Variants in YAP1 observed in about 807,000 individuals in gnomAD.
The protein encoded by YAP1 is Yes1 associated transcriptional regulator, also known as transcriptional coactivator YAP1.
In YAP1, 5 loss-of-function variants were observed where a neutral mutation model predicts 56.9. The observed-to-expected ratio is 0.09, with a 90% CI of 0.05 to 0.18. The LOEUF is 0.18. YAP1 is among the 10% of genes least tolerant of loss of function. The pLI, the probability that YAP1 is intolerant of heterozygous loss-of-function variation, is 1.00. For missense variants in YAP1, 539 were observed against 651.8 expected (o/e 0.83, Z 1.88); for synonymous variants, 265 against 248.1 (o/e 1.07, Z -0.64).
chr11:102,187,139 CTG>C (rs1437172291), intron 4 of YAP1, among the ~76,000 whole-genome samples: 3 of 152,246 alleles, frequency 2.0e-5, no homozygotes, highest in Non-Finnish European at 2.9e-5. Flanking sequence ...AAAGAAAAAA[CTG>C]TATCTGGAGC....
chr11:102,174,078 G>A (rs1947081792), intron 3 of YAP1, among the ~76,000 whole-genome samples: 1 of 152,162 alleles, frequency 6.6e-6, no homozygotes, highest in South Asian at 2.1e-4. Flanking sequence ...CAATTTTCTG[G>A]TGATGCTGAT....
chr11:102,162,286 A>C (rs1202588702), intron 2 of YAP1, among the ~76,000 whole-genome samples, 170 bp from the exon 3 acceptor site: 1 of 152,206 alleles, frequency 6.6e-6, no homozygotes, highest in East Asian at 1.9e-4. Flanking sequence ...TGAGTGATTT[A>C]AGGGTGAAAA....
At chr11:102,154,918 T>C (rs1355724575) in intron 2 of YAP1, among the ~76,000 whole-genome samples, 1 of 152,200 alleles carries the variant, frequency 6.6e-6, no homozygotes, top group Admixed American at 6.5e-5. Flanking sequence ...CTGAACAGTG[T>C]TGACATCAGA....
intron 3 of YAP1, among the ~76,000 whole-genome samples, chr11:102,184,939 C>T (rs780468102): frequency 6.6e-6 from 1 of 152,150 alleles, no homozygotes; most frequent in Non-Finnish European, 1.5e-5. Context: ...CCTCAGTTTC[C>T]TCATTAGAAT....
At chr11:102,190,646 A>G (rs1424335830) in intron 4 of YAP1, among the ~76,000 whole-genome samples, 1 of 151,298 alleles carries the variant, frequency 6.6e-6, no homozygotes, top group African/African-American at 2.4e-5. Flanking sequence ...AAAAATAAAA[A>G]TTAGTAACAG....
chr11:102,133,046 T>TA (rs1411500353), intron 2 of YAP1, among the ~76,000 whole-genome samples: 6 of 152,014 alleles, frequency 3.9e-5, no homozygotes, highest in Non-Finnish European at 7.4e-5. Flanking sequence ...TAATCCCAGC[T>TA]ACTCTGGAGG....
intron 6 of YAP1, among the ~76,000 whole-genome samples, chr11:102,220,327 A>G (rs1036781069): frequency 1.2e-4 from 18 of 152,188 alleles, no homozygotes; most frequent in African/African-American, 1.7e-4. Context: ...AACAAAACAA[A>G]AAAACCAATA....
At chr11:102,185,157 G>A (rs1334463738) in intron 3 of YAP1, among the ~76,000 whole-genome samples, 1 of 152,184 alleles carries the variant, frequency 6.6e-6, no homozygotes, top group African/African-American at 2.4e-5. Context: ...AACTGGGGGA[G>A]TTGGGAGGGA....
intron 3 of YAP1, among the ~76,000 whole-genome samples, chr11:102,168,131 A>G (rs1946710022): frequency 6.6e-6 from 1 of 152,130 alleles, no homozygotes; most frequent in African/African-American, 2.4e-5. Flanking sequence ...CCCCATATTG[A>G]GAGTTAGGTA....
At chr11:102,223,253 C>CAAAA (rs1013718662) in intron 6 of YAP1, among the ~76,000 whole-genome samples, 5 of 52,414 alleles carry the variant, frequency 9.5e-5, no homozygotes, top group African/African-American at 2.0e-4. Context: ...TCTTGAAGAA[C>CAAAA]AAAAAAAAAA....
chr11:102,186,816 G>A (rs1189178881), intron 4 of YAP1: 4 of 80,902 alleles, frequency 4.9e-5, no homozygotes, highest in Admixed American at 2.0e-4. Context: ...TTTAAAAAAT[G>A]TGTGTGTGTG....
chr11:102,149,561 A>G (rs191448391), intron 2 of YAP1, among the ~76,000 whole-genome samples: 2 of 152,296 alleles, frequency 1.3e-5, no homozygotes, highest in East Asian at 3.9e-4. Context: ...TGATACAGGG[A>G]GTATAGTTTA....
In YAP1 at chr11:102,232,017, A is replaced by T. The variant is rs578144462; in HGVS notation, c.*2077A>T. 1 of 152,728 alleles carries T rather than the reference A, an allele frequency of 6.5e-6. No homozygotes were observed. The highest frequency in any genetic ancestry group is 1.9e-4 in the East Asian group (1 of 5,186). 9.5% of individuals were successfully genotyped at this position (152,728 alleles called of 1,614,324 possible). A position where few individuals can be genotyped will look rare whatever the true frequency, so the allele number is the denominator to read the frequency against. On this transcript the variant is annotated 3_prime_UTR_variant, in exon 9 of 9. Transcript: ENST00000282441. ...TTGACTCTAAGGCTTTTATTAAGAA[A>T]ACAGCAGAAAGATTAAATCTTGAAT...
intron 7 of YAP1, chr11:102,227,159 TTC>T (rs773491541): frequency 3.9e-6 from 1 of 259,372 alleles, no homozygotes; most frequent in Non-Finnish European, 7.4e-6. Context: ...GCAGAGAATT[TTC>T]TGTCAGCCAG....
chr11:102,221,773 A>G (rs1005769484), intron 6 of YAP1, among the ~76,000 whole-genome samples: 1 of 152,106 alleles, frequency 6.6e-6, no homozygotes, highest in African/African-American at 2.4e-5. Flanking sequence ...TAACGTAACT[A>G]CTGTAGCATT....
At chr11:102,132,197 T>C (rs559285345) in intron 2 of YAP1, among the ~76,000 whole-genome samples, 3 of 152,182 alleles carry the variant, frequency 2.0e-5, no homozygotes, top group Non-Finnish European at 4.4e-5. Flanking sequence ...GGTAGTAGCA[T>C]GGGTCAGATA....
chr11:102,119,208 T>C (rs2135148045), intron 2 of YAP1, among the ~76,000 whole-genome samples: 1 of 151,776 alleles, frequency 6.6e-6, no homozygotes, highest in East Asian at 1.9e-4. Context: ...AGTGCCACAG[T>C]GATTTAGGGA....
At chr11:102,192,000 A>G (rs917758187) in intron 4 of YAP1, among the ~76,000 whole-genome samples, 1 of 152,178 alleles carries the variant, frequency 6.6e-6, no homozygotes, top group Non-Finnish European at 1.5e-5. Context: ...AAGAGAATTT[A>G]AGATCTCTGA....
At chr11:102,164,240 G>A (rs1015309489) in intron 3 of YAP1, among the ~76,000 whole-genome samples, 7 of 151,990 alleles carry the variant, frequency 4.6e-5, no homozygotes, top group Admixed American at 6.6e-5. Flanking sequence ...TCACTATGTT[G>A]GCCAGGCTGG....
Sources: gnomAD v4.1 joint callset for allele counts (sites outside exome capture counted in the v4.1 genomes callset) on GRCh38, gnomAD v4.1.1 for gene constraint, MANE v1.5 for transcripts, NCBI Gene and HGNC (gene_info 2026-07-23, HGNC 2026-07-21) for gene names.